Variants in NEBL observed in about 807,000 individuals in gnomAD.
NEBL encodes nebulette, also known as LIM and SH3 protein 2.
Under a neutral mutation model 140.2 loss-of-function variants are expected in NEBL, and 122 were observed. The ratio of observed to expected loss-of-function variants is 0.87; its 90% confidence interval spans 0.75 to 1.01. The LOEUF (loss-of-function observed/expected upper bound fraction) is 1.01, where lower values mean the gene tolerates loss of function less well. NEBL is among the 50% of genes least tolerant of loss of function. NEBL has a pLI of 0.00. For synonymous variants in NEBL, 436 were observed against 398.9 expected (o/e 1.09, Z -1.11); for missense variants, 1,365 against 1,231.3 (o/e 1.11, Z -1.62).
intron 26 of NEBL, among the ~76,000 whole-genome samples, chr10:20,803,844 C>T (rs1021114912): frequency 5.4e-5 from 8 of 147,236 alleles, no homozygotes; most frequent in Non-Finnish European, 9.0e-5. Context: ...TATATGCACA[C>T]ATACTGGGAA....
At chr10:20,968,323 A>G (rs1224565121) in intron 3 of NEBL, among the ~76,000 whole-genome samples, 1 of 151,772 alleles carries the variant, frequency 6.6e-6, no homozygotes, top group Non-Finnish European at 1.5e-5. Context: ...TAGGCAACAT[A>G]GCAAGGCCCC....
intron 2 of NEBL, among the ~76,000 whole-genome samples, chr10:21,035,086 C>T (rs1833960850): frequency 6.6e-6 from 1 of 152,044 alleles, no homozygotes; most frequent in South Asian, 2.1e-4. Context: ...GTAACCTCCA[C>T]CTGCCAGGCC....
chr10:21,189,842 T>C (rs1841544703), intron 3 of NEBL, among the ~76,000 whole-genome samples: 2 of 152,318 alleles, frequency 1.3e-5, no homozygotes, highest in Admixed American at 1.3e-4. Context: ...TCCAACAATT[T>C]GGAAAGGTTT....
intron 26 of NEBL, among the ~76,000 whole-genome samples, chr10:20,804,844 T>C (rs1373111083): frequency 6.6e-6 from 1 of 152,112 alleles, no homozygotes; most frequent in African/African-American, 2.4e-5. Flanking sequence ...AATAAAATGA[T>C]AGAAGAGTGA....
intron 4 of NEBL, among the ~76,000 whole-genome samples, chr10:20,924,549 T>G (rs1589020795): frequency 2.1e-5 from 3 of 142,562 alleles, no homozygotes; most frequent in Admixed American, 7.1e-5. Flanking sequence ...TCCCAGCAGG[T>G]AGCTAAGCAC....
intron 4 of NEBL, among the ~76,000 whole-genome samples, chr10:20,938,347 A>C (rs1026453135): frequency 6.6e-6 from 1 of 152,252 alleles, no homozygotes; most frequent in East Asian, 1.9e-4. Context: ...GTGGACCTCC[A>C]GTAAACTCCA....
At chr10:21,121,023 A>G (rs575006077) in intron 2 of NEBL, among the ~76,000 whole-genome samples, 2 of 152,286 alleles carry the variant, frequency 1.3e-5, no homozygotes, top group African/African-American at 4.8e-5. Flanking sequence ...TCCCTGGAGT[A>G]GAGAGGAGGC....
At chr10:21,191,702 T>C (rs1200533583) in intron 3 of NEBL, among the ~76,000 whole-genome samples, 1 of 152,234 alleles carries the variant, frequency 6.6e-6, no homozygotes, top group African/African-American at 2.4e-5. Context: ...ATAGGTACAT[T>C]ATAACAATAT....
intron 2 of NEBL, among the ~76,000 whole-genome samples, chr10:21,044,397 T>TAAAAAAAAAAAAAAAA (rs57176129): frequency 2.9e-5 from 1 of 34,866 alleles, no homozygotes; most frequent in African/African-American, 1.4e-4. Context: ...AGAGTAAGAA[T>TAAAAAAAAAAAAAAAA]AAAAAAAAAA....
At chr10:21,139,987 CAAAAA>C (rs11289396) in intron 2 of NEBL, among the ~76,000 whole-genome samples, 3 of 99,688 alleles carry the variant, frequency 3.0e-5, no homozygotes, top group African/African-American at 1.0e-4. Flanking sequence ...CCTGTCTCAA[CAAAAA>C]AAAAAAAAAA....
At chr10:20,939,545 A>G (rs1053262665) in intron 4 of NEBL, among the ~76,000 whole-genome samples, 5 of 152,126 alleles carry the variant, frequency 3.3e-5, no homozygotes, top group Admixed American at 6.6e-5. Context: ...AAAATAACCA[A>G]CTAACATCAT....
At chr10:20,941,271 GC>G (rs1206863572) in intron 4 of NEBL, among the ~76,000 whole-genome samples, 1 of 152,196 alleles carries the variant, frequency 6.6e-6, no homozygotes, top group East Asian at 1.9e-4. Context: ...GGGATGCAAG[GC>G]CGGTTCAACA....
intron 1 of NEBL, among the ~76,000 whole-genome samples, chr10:21,288,818 G>GTA (rs757155594): frequency 0.017 from 561 of 32,628 alleles, 13 homozygotes; most frequent in East Asian, 0.052. Flanking sequence ...ACGTGTGTGT[G>GTA]TGTATATATA....
intron 11 of NEBL, among the ~76,000 whole-genome samples, chr10:20,847,821 C>A (rs1032473918): frequency 1.3e-5 from 2 of 152,150 alleles, no homozygotes; most frequent in African/African-American, 4.8e-5. Flanking sequence ...CTAATCCTAA[C>A]GTAACATTAT....
intron 2 of NEBL, among the ~76,000 whole-genome samples, chr10:21,090,774 G>T (rs1420469997): frequency 6.6e-6 from 1 of 151,978 alleles, no homozygotes; most frequent in Non-Finnish European, 1.5e-5. Flanking sequence ...GGCTCAGAAG[G>T]CACCACAGCT....
intron 8 of NEBL, among the ~76,000 whole-genome samples, chr10:20,858,697 C>A (rs1843353411): frequency 6.6e-6 from 1 of 152,168 alleles, no homozygotes; most frequent in African/African-American, 2.4e-5. Context: ...TTGTGGAGAT[C>A]TGAGGATTTT....
chr10:21,207,882 C>T (rs187767008), intron 3 of NEBL, among the ~76,000 whole-genome samples: 8 of 152,202 alleles, frequency 5.3e-5, no homozygotes, highest in East Asian at 1.9e-4. Context: ...TAACTTGGAA[C>T]GTAGGCCCGA....
intron 26 of NEBL, among the ~76,000 whole-genome samples, chr10:20,794,462 A>T (rs2131658746): frequency 6.6e-6 from 1 of 152,306 alleles, no homozygotes; most frequent in South Asian, 2.1e-4. Context: ...TAGTGATAAA[A>T]CAATTATCGC....
chr10:20,788,600 G>A (rs1183670863), intron 26 of NEBL, among the ~76,000 whole-genome samples: 3 of 152,246 alleles, frequency 2.0e-5, no homozygotes, highest in East Asian at 3.9e-4. Flanking sequence ...ATCTTATAAA[G>A]TTATTACAAA....
Sources: gnomAD v4.1 joint callset for allele counts (sites outside exome capture counted in the v4.1 genomes callset) on GRCh38, gnomAD v4.1.1 for gene constraint, MANE v1.5 for transcripts, NCBI Gene and HGNC (gene_info 2026-07-23, HGNC 2026-07-21) for gene names.